Variants in GORASP2 observed in about 807,000 individuals in gnomAD.
GORASP2 encodes golgi reassembly stacking protein 2.
In GORASP2, 22 loss-of-function variants were observed where a neutral mutation model predicts 45.7. That is an observed-to-expected ratio of 0.48 (90% CI 0.34 to 0.69). The LOEUF (loss-of-function observed/expected upper bound fraction) is 0.69, where lower values mean the gene tolerates loss of function less well. Ranked by LOEUF, GORASP2 falls within the 30% of genes least tolerant of loss-of-function variation. GORASP2 has a pLI of 0.01. For synonymous variants in GORASP2, 221 were observed against 215.6 expected, an observed-to-expected ratio of 1.02 and a Z score of -0.22; for missense variants, 491 against 562.7, an observed-to-expected ratio of 0.87 and a Z score of 1.29.
At chr2:170,939,245 T>A (rs1704020974) in intron 1 of GORASP2, among the ~76,000 whole-genome samples, 1 of 152,264 alleles carries the variant, frequency 6.6e-6, no homozygotes, top group Non-Finnish European at 1.5e-5. Flanking sequence ...CATTACAATT[T>A]TATTTTAAAT....
intron 1 of GORASP2, among the ~76,000 whole-genome samples, chr2:170,937,964 T>G (rs1703994569): frequency 6.6e-6 from 1 of 152,220 alleles, no homozygotes; most frequent in African/African-American, 2.4e-5. Context: ...TGAGCAACCC[T>G]TTGAACTGCT....
At chr2:170,930,838 A>G (rs1703805373) in intron 1 of GORASP2, among the ~76,000 whole-genome samples, 1 of 152,074 alleles carries the variant, frequency 6.6e-6, no homozygotes, top group African/African-American at 2.4e-5. Context: ...TGAGTTCTCT[A>G]CCCTGGGATG....
chr2:170,946,590 T>A (rs144674725), intron 1 of GORASP2, among the ~76,000 whole-genome samples: 30 of 152,196 alleles, frequency 2.0e-4, no homozygotes, highest in Admixed American at 5.2e-4. Context: ...GGCCAGTAAA[T>A]GTAGCTCTAC....
intron 1 of GORASP2, among the ~76,000 whole-genome samples, chr2:170,942,504 TC>T (rs1389234080): frequency 1.3e-5 from 2 of 152,160 alleles, no homozygotes; most frequent in African/African-American, 4.8e-5. Context: ...CTAGCTTCTT[TC>T]ACTTAGCATA....
chr2:170,934,998 A>G (rs1333924952), intron 1 of GORASP2, among the ~76,000 whole-genome samples: 1 of 152,192 alleles, frequency 6.6e-6, no homozygotes, highest in African/African-American at 2.4e-5. Context: ...TCGGCCTCCC[A>G]AAGTGCTGGT....
At chr2:170,955,842 T>G (rs1433520144) in intron 6 of GORASP2, among the ~76,000 whole-genome samples, 1 of 152,252 alleles carries the variant, frequency 6.6e-6, no homozygotes, top group Non-Finnish European at 1.5e-5. Context: ...TGAAGGGCAC[T>G]GGAGCTGCAG....
chr2:170,934,187 T>C (rs1445686621), intron 1 of GORASP2, among the ~76,000 whole-genome samples: 2 of 152,052 alleles, frequency 1.3e-5, no homozygotes, highest in African/African-American at 2.4e-5. Context: ...TGATATTCAA[T>C]AGTCATTGTC....
At chr2:170,959,361 C>T (rs1413687800) in intron 7 of GORASP2, among the ~76,000 whole-genome samples, 2 of 152,226 alleles carry the variant, frequency 1.3e-5, no homozygotes, top group African/African-American at 4.8e-5. Context: ...TGTAGTTATA[C>T]TTGTATTGTC....
chr2:170,929,077 A>C, upstream of GORASP2: 1 of 376,414 alleles, frequency 2.7e-6, no homozygotes, highest in Non-Finnish European at 4.7e-6. Flanking sequence ...GGTGCCTCCC[A>C]GTCCTCCTCC....
intron 1 of GORASP2, chr2:170,936,759 G>A (rs562066345): frequency 3.0e-5 from 18 of 604,154 alleles, no homozygotes; most frequent in Non-Finnish European, 4.1e-5. Flanking sequence ...TTAAGACCAC[G>A]CTGGGCAACA....
intron 9 of GORASP2, among the ~76,000 whole-genome samples, chr2:170,964,819 C>G (rs1306182643): frequency 1.3e-5 from 2 of 151,800 alleles, no homozygotes; most frequent in African/African-American, 4.8e-5. Context: ...GGTGGTTGCC[C>G]TGAACCTGTG....
chr2:170,962,845 T>C lies in GORASP2; in HGVS notation c.917T>C (p.Met306Thr). Residue 306 changes from methionine (M) to threonine (T), a missense_variant, in exon 9 of 10, where the codon ATG becomes ACG. By Grantham distance (81) the Met-to-Thr change is moderately conservative. Transcript: ENST00000234160. Reference protein sequence around the residue: ...MNPATTLPGLMPLPAGLPNLP... With the variant: ...MNPATTLPGLTPLPAGLPNLP... The stretch of plus-strand genomic sequence containing the variant: ...TTTTCTGCCTTCTCTTCAGGTCTGA[T>C]GCCTTTACCAGCAGGACTGCCCAAC... The C allele has an allele frequency of 6.2e-7, 1 of 1,610,360 alleles. No individual in the cohort carries two copies.
chr2:170,950,255 G>A lies in GORASP2; in HGVS notation c.400G>A (p.Asp134Asn). The part of the protein sequence containing the change: ...AALAGLRPHS[D>N]YIIGADTVMN... ...ACTGGCAGGTCTTAGACCACACAGT[G>A]ATTATATAATTGGAGCAGATACAGT... The change falls in exon 4 of 10, where the codon GAT becomes AAT. Residue 134 changes from aspartate to asparagine, a missense_variant. Physicochemically the swap from Asp to Asn is conservative, Grantham distance 23. This residue lies in a region of GORASP2 where 194 missense variants were observed against 270.4 expected (regional missense o/e 0.72). Coordinates refer to ENST00000234160, the MANE Select transcript of GORASP2 (RefSeq NM_015530.5). 7 of 1,577,290 alleles carry A rather than the reference G, an allele frequency of 4.4e-6. No individual in the cohort carries two copies. The highest frequency in any genetic ancestry group is 2.3e-5 in the East Asian group (1 of 43,286).
Position 170,952,117 on chromosome 2 carries a change from A to G in GORASP2, c.566+659A>G, listed in dbSNP as rs553917765. Among the ~76,000 whole-genome samples, 9 of 152,358 alleles carry G rather than the reference A, an allele frequency of 5.9e-5. No homozygotes were observed. The East Asian group carries it at 1.5e-3, about 26-fold the overall frequency. ...GAGAAGCTGCTATATTTGAATGACA[A>G]ATTTTCAGTTTGCAATAGAAAAATA... On this transcript the variant is annotated intron_variant, in intron 5 of 9. Coordinates refer to ENST00000234160, the MANE Select transcript of GORASP2 (RefSeq NM_015530.5).
chr2:170,929,335 G>A lies in GORASP2; in HGVS notation c.-6G>A, dbSNP rs1703756159. The stretch of plus-strand genomic sequence containing the variant: ...CCCGGCTCGGCCACACCGATCGCCC[G>A]CCGCCATGGGCTCCTCGCAAAGCGT... On this transcript the variant is annotated 5_prime_UTR_variant, in exon 1 of 10. Coordinates refer to ENST00000234160, the MANE Select transcript of GORASP2 (RefSeq NM_015530.5). 1 of 1,361,876 alleles carries A rather than the reference G, an allele frequency of 7.3e-7. No homozygotes were observed. The allele number at this position is 1,361,876 out of a possible 1,614,324, so 84.4% of individuals were successfully genotyped here.
At chr2:170,958,117 A>G (rs1162683969) in intron 7 of GORASP2, among the ~76,000 whole-genome samples, 1 of 152,252 alleles carries the variant, frequency 6.6e-6, no homozygotes, top group Non-Finnish European at 1.5e-5. Flanking sequence ...TTCTCATCCC[A>G]GCTCTTTAGT....
intron 1 of GORASP2, among the ~76,000 whole-genome samples, chr2:170,942,803 C>T (rs1704106829): frequency 1.3e-5 from 2 of 152,196 alleles, no homozygotes; most frequent in African/African-American, 2.4e-5. Context: ...ACAGCGGCTA[C>T]ACCATTTTAC....
At chr2:170,933,576 A>C (rs144818593) in intron 1 of GORASP2, among the ~76,000 whole-genome samples, 3 of 152,370 alleles carry the variant, frequency 2.0e-5, no homozygotes, top group African/African-American at 7.2e-5. Context: ...TAAAGCTGAA[A>C]GGTAATAAAC....
intron 2 of GORASP2, chr2:170,948,752 G>T: frequency 5.8e-6 from 1 of 171,972 alleles, no homozygotes; most frequent in Non-Finnish European, 1.2e-5. Flanking sequence ...GTTGACAAAT[G>T]GATTACTAGA....
Sources: allele counts gnomAD v4.1 joint callset (sites outside exome capture counted in the v4.1 genomes callset), GRCh38; gene constraint gnomAD v4.1.1; regional missense constraint gnomAD v4.1.1; transcripts MANE v1.5; gene names NCBI Gene and HGNC (gene_info 2026-07-23, HGNC 2026-07-21).